TMCC1: variants seen among roughly 807,000 people sequenced by gnomAD.
TMCC1 encodes transmembrane and coiled-coil domains protein 1.
Under a neutral mutation model 52.4 loss-of-function variants are expected in TMCC1, and 15 were observed. The observed-to-expected ratio is 0.29, with a 90% CI of 0.19 to 0.44. TMCC1 has a LOEUF of 0.44. Among genes scored for constraint, TMCC1 ranks in the 20% least tolerant of loss-of-function variants. The pLI is 1.00. For missense variants in TMCC1, 503 were observed against 806.0 expected (o/e 0.62, Z 4.55); for synonymous variants, 279 against 301.9 (o/e 0.92, Z 0.79).
chr3:129,655,943 G>A (rs922799745), intron 5 of TMCC1, among the ~76,000 whole-genome samples: 5 of 152,194 alleles, frequency 3.3e-5, no homozygotes, highest in African/African-American at 7.2e-5. Flanking sequence ...GTGAGTAAAG[G>A]GCTGGAGAGA....
chr3:129,862,940 A>G (rs182817075), intron 2 of TMCC1, among the ~76,000 whole-genome samples: 1 of 152,338 alleles, frequency 6.6e-6, no homozygotes, highest in Non-Finnish European at 1.5e-5. Context: ...TCCATTTCTA[A>G]AAGTCTAAAG....
intron 4 of TMCC1, among the ~76,000 whole-genome samples, chr3:129,826,905 A>G (rs2058685829): frequency 1.3e-5 from 2 of 152,204 alleles, no homozygotes; most frequent in Admixed American, 1.3e-4. Flanking sequence ...AGGCAGACCT[A>G]GCCCACAAAT....
At chr3:129,875,951 C>T (rs1198266177) in intron 2 of TMCC1, among the ~76,000 whole-genome samples, 12 of 152,064 alleles carry the variant, frequency 7.9e-5, no homozygotes, top group African/African-American at 2.4e-4. Context: ...CTGACCAACA[C>T]GGAGAAACCC....
At chr3:129,652,433 C>T (rs2086395418) in intron 6 of TMCC1, among the ~76,000 whole-genome samples, 1 of 152,058 alleles carries the variant, frequency 6.6e-6, no homozygotes, top group Non-Finnish European at 1.5e-5. Context: ...TTATTATATC[C>T]CCTCCCTTTT....
At chr3:129,829,775 A>G (rs1199795853) in intron 3 of TMCC1, among the ~76,000 whole-genome samples, 2 of 152,204 alleles carry the variant, frequency 1.3e-5, no homozygotes, top group Non-Finnish European at 2.9e-5. Flanking sequence ...GAAAGCCATA[A>G]ATTAGCTGAA....
At chr3:129,688,130 TA>T in intron 4 of TMCC1, 7 of 984,860 alleles carry the variant, frequency 7.1e-6, no homozygotes, top group Non-Finnish European at 8.4e-6. Flanking sequence ...ACAGCTGATA[TA>T]GAAAAGTCAA....
intron 4 of TMCC1, among the ~76,000 whole-genome samples, chr3:129,743,328 T>G (rs1440340738): frequency 6.6e-6 from 1 of 152,182 alleles, no homozygotes; most frequent in Non-Finnish European, 1.5e-5. Context: ...ATGATTTGCT[T>G]GTAGTTTGTA....
chr3:129,739,936 C>T (rs1385874448), intron 4 of TMCC1, among the ~76,000 whole-genome samples: 4 of 152,222 alleles, frequency 2.6e-5, no homozygotes, highest in Non-Finnish European at 5.9e-5. Context: ...TTTTGGTTCC[C>T]TCTTTTGCTA....
Position 129,670,785 on chromosome 3 carries a change from G to A in TMCC1, c.1056C>T (p.Ser352=). 6.2e-7 allele frequency: 1 copy of A among 1,614,100 alleles called. No individual in the cohort carries two copies. The highest frequency in any genetic ancestry group is 8.5e-7 in the Non-Finnish European group (1 of 1,180,018). The change falls in exon 5 of 7, where the codon TCC becomes TCT. Residue 352 remains serine (S), a synonymous_variant. Coordinates refer to ENST00000393238, the MANE Select transcript of TMCC1 (RefSeq NM_001017395.5). ...GVVDSVKGGF[S]SFSQATHSAA... ...CTGAATGGGTGGCCTGGGAGAAGCT[G>A]GAAAACCCACCTTTGACACTATCCA...
chr3:129,809,715 C>T (rs1425309809), intron 4 of TMCC1, among the ~76,000 whole-genome samples: 1 of 152,126 alleles, frequency 6.6e-6, no homozygotes, highest in East Asian at 1.9e-4. Context: ...AGTTAAAGTA[C>T]TGAAATCCTG....
At chr3:129,817,142 A>T (rs1368002434) in intron 4 of TMCC1, among the ~76,000 whole-genome samples, 1 of 152,206 alleles carries the variant, frequency 6.6e-6, no homozygotes, top group African/African-American at 2.4e-5. Context: ...AACCCCCAAA[A>T]TACGTAAATT....
chr3:129,759,790 C>T (rs1231799723), intron 4 of TMCC1, among the ~76,000 whole-genome samples: 4 of 142,890 alleles, frequency 2.8e-5, no homozygotes, highest in South Asian at 4.5e-4. Context: ...GGCGCCATCT[C>T]GGCTCACTGC....
At chr3:129,653,827 T>A (rs1209764220) in intron 6 of TMCC1, among the ~76,000 whole-genome samples, 1 of 152,186 alleles carries the variant, frequency 6.6e-6, no homozygotes, top group South Asian at 2.1e-4. Context: ...TCTGTATCGC[T>A]CAATTACTAA....
intron 5 of TMCC1, among the ~76,000 whole-genome samples, chr3:129,669,519 C>CCA (rs2087746644): frequency 6.6e-6 from 1 of 150,940 alleles, no homozygotes; most frequent in Non-Finnish European, 1.5e-5. Flanking sequence ...ACCGCAACCT[C>CCA]CACCTCCTGG....
chr3:129,757,615 G>A (rs1168620170), intron 4 of TMCC1, among the ~76,000 whole-genome samples: 1 of 152,142 alleles, frequency 6.6e-6, no homozygotes, highest in Non-Finnish European at 1.5e-5. Flanking sequence ...GAGGTCTGGA[G>A]TTTGAGACCA....
intron 4 of TMCC1, among the ~76,000 whole-genome samples, chr3:129,723,369 T>C (rs2049794594): frequency 6.7e-6 from 1 of 148,230 alleles, no homozygotes; most frequent in African/African-American, 2.5e-5. Flanking sequence ...TCTTTTTTTT[T>C]TTTTTTTTTT....
At chr3:129,752,826 T>C (rs911984728) in intron 4 of TMCC1, among the ~76,000 whole-genome samples, 11 of 151,662 alleles carry the variant, frequency 7.3e-5, no homozygotes, top group African/African-American at 2.7e-4. Context: ...AGAAAAGAGG[T>C]TTAAATTGAC....
rs530785290 is a variant in TMCC1 at position 129,715,993 on chromosome 3, A to G, written c.577-44729T>C. 2.6e-5 allele frequency among the ~76,000 whole-genome samples: 4 copies of G among 152,088 alleles called. No homozygotes were observed. In the East Asian group the frequency reaches 5.8e-4, roughly 22 times the overall value. ...TCCTACTTAGCTCTTTAGAAATGCA[A>G]TTATAACCTGCTACCTCCCCTTCAC... On this transcript the variant is annotated intron_variant, in intron 4 of 6. Coordinates refer to ENST00000393238, the MANE Select transcript of TMCC1 (RefSeq NM_001017395.5).
chr3:129,811,430 G>GT (rs1009148742), intron 4 of TMCC1, among the ~76,000 whole-genome samples: 19 of 151,330 alleles, frequency 1.3e-4, no homozygotes, highest in African/African-American at 2.4e-4. Flanking sequence ...ACACCTGGCT[G>GT]TTTTTTTTAA....
Sources: gnomAD v4.1 joint callset for allele counts (sites outside exome capture counted in the v4.1 genomes callset) on GRCh38, gnomAD v4.1.1 for gene constraint, MANE v1.5 for transcripts, NCBI Gene and HGNC (gene_info 2026-07-23, HGNC 2026-07-21) for gene names.